ZBTB7C: variants seen among roughly 807,000 people sequenced by gnomAD.
ZBTB7C encodes zinc finger and BTB domain-containing protein 7C.
Under a neutral mutation model 25.7 loss-of-function variants are expected in ZBTB7C, and 8 were observed. The observed-to-expected ratio is 0.31, with a 90% CI of 0.18 to 0.56. The LOEUF is 0.56. ZBTB7C is among the 20% of genes least tolerant of loss of function. The pLI is 0.91. For missense variants in ZBTB7C, 824 were observed against 855.2 expected (o/e 0.96, Z 0.46); for synonymous variants, 394 against 369.0 (o/e 1.07, Z -0.78).
At chr18:48,308,996 T>G (rs747290368) in intron 2 of ZBTB7C, among the ~76,000 whole-genome samples, 4 of 152,128 alleles carry the variant, frequency 2.6e-5, no homozygotes, top group Non-Finnish European at 5.9e-5. Context: ...GAAGGTGAGG[T>G]CTACCTGAAG....
intron 2 of ZBTB7C, among the ~76,000 whole-genome samples, chr18:48,224,749 T>C (rs879373883): frequency 6.6e-6 from 1 of 152,160 alleles, no homozygotes; most frequent in South Asian, 2.1e-4. Flanking sequence ...ATCACAGTTA[T>C]CTTTCAGAGT....
chr18:48,410,225 T>A (rs917504849), upstream of ZBTB7C, among the ~76,000 whole-genome samples: 3 of 151,824 alleles, frequency 2.0e-5, no homozygotes, highest in East Asian at 5.9e-4. Context: ...ACCGCAAGCT[T>A]GCCGCACCCC....
chr18:48,180,581 G>A, intron 3 of ZBTB7C: 1 of 333,986 alleles, frequency 3.0e-6, no homozygotes, highest in Non-Finnish European at 5.9e-6. Context: ...GGGCCCAGGA[G>A]GGCTCTGTAG....
At chr18:48,165,929 TTTAAAA>T (rs1224029497) in intron 3 of ZBTB7C, among the ~76,000 whole-genome samples, 64 of 152,222 alleles carry the variant, frequency 4.2e-4, no homozygotes. Context: ...TTTCCCTCTT[TTTAAAA>T]TGACCAGATA....
chr18:48,046,078 C>T (rs774760417), intron 3 of ZBTB7C, among the ~76,000 whole-genome samples: 16 of 152,242 alleles, frequency 1.1e-4, no homozygotes, highest in Non-Finnish European at 2.1e-4. Context: ...GACACTGAAC[C>T]AGGACTGCTC....
chr18:48,103,582 G>A (rs2038926321), intron 3 of ZBTB7C, among the ~76,000 whole-genome samples: 1 of 152,190 alleles, frequency 6.6e-6, no homozygotes, highest in African/African-American at 2.4e-5. Context: ...CTCACTCCTA[G>A]GTGCACACCC....
chr18:48,077,349 G>A (rs1292490081), intron 3 of ZBTB7C, among the ~76,000 whole-genome samples: 2 of 152,176 alleles, frequency 1.3e-5, no homozygotes, highest in Non-Finnish European at 2.9e-5. Flanking sequence ...ATGAAGGTGA[G>A]ATGGGGGTGG....
At chr18:48,163,821 A>C (rs2041152557) in intron 3 of ZBTB7C, among the ~76,000 whole-genome samples, 1 of 152,238 alleles carries the variant, frequency 6.6e-6, no homozygotes, top group Non-Finnish European at 1.5e-5. Flanking sequence ...GAAATGCCTT[A>C]GCTTCACTAC....
intron 3 of ZBTB7C, among the ~76,000 whole-genome samples, chr18:48,118,062 G>A (rs2039505582): frequency 6.8e-6 from 1 of 147,470 alleles, no homozygotes; most frequent in Non-Finnish European, 1.5e-5. Flanking sequence ...CTGGAGTGCA[G>A]TGGCGTAATC....
chr18:48,105,653 G>C (rs548752081), intron 3 of ZBTB7C, among the ~76,000 whole-genome samples: 3 of 152,222 alleles, frequency 2.0e-5, no homozygotes, highest in Admixed American at 2.0e-4. Flanking sequence ...GTGGTGTGCT[G>C]GTGAAAACCT....
intron 3 of ZBTB7C, among the ~76,000 whole-genome samples, chr18:48,175,310 A>C (rs72922152): frequency 0.12 from 18,770 of 152,108 alleles, 1,528 homozygotes; most frequent in East Asian, 0.35. Context: ...AACAATTCTG[A>C]GAGTATTTTT....
intron 2 of ZBTB7C, among the ~76,000 whole-genome samples, chr18:48,223,332 T>C (rs1439150362): frequency 6.6e-6 from 1 of 152,174 alleles, no homozygotes; most frequent in Non-Finnish European, 1.5e-5. Context: ...CCCCTTATTC[T>C]AATTGTCATA....
chr18:48,351,139 T>A (rs1480597824), intron 1 of ZBTB7C, among the ~76,000 whole-genome samples: 1 of 152,076 alleles, frequency 6.6e-6, no homozygotes. Flanking sequence ...TGAACTAATG[T>A]ACACACACAC....
chr18:48,152,340 C>A (rs1482611987), intron 3 of ZBTB7C, among the ~76,000 whole-genome samples: 3 of 151,852 alleles, frequency 2.0e-5, no homozygotes. Flanking sequence ...AAAAAAAAAT[C>A]CAGGTGAAAG....
At chr18:48,143,200 G>T (rs2040401106) in intron 3 of ZBTB7C, among the ~76,000 whole-genome samples, 1 of 152,142 alleles carries the variant, frequency 6.6e-6, no homozygotes, top group African/African-American at 2.4e-5. Context: ...GGGGTTGAGG[G>T]TGGGGAGGTG....
intron 3 of ZBTB7C, among the ~76,000 whole-genome samples, chr18:48,082,828 C>T (rs2038043418): frequency 6.6e-6 from 1 of 152,158 alleles, no homozygotes; most frequent in African/African-American, 2.4e-5. Context: ...TGGAGAGCCA[C>T]ATGTACACTT....
chr18:48,314,112 C>G (rs2144811301), intron 2 of ZBTB7C, among the ~76,000 whole-genome samples: 1 of 152,322 alleles, frequency 6.6e-6, no homozygotes, highest in South Asian at 2.1e-4. Context: ...TACCCTGTCT[C>G]AGGTATTCCT....
chr18:48,295,499 C>T (rs545965709), intron 2 of ZBTB7C, among the ~76,000 whole-genome samples: 11 of 152,258 alleles, frequency 7.2e-5, no homozygotes, highest in East Asian at 1.9e-4. Flanking sequence ...CTCCCTTCCC[C>T]GGCAGACCCA....
At chr18:48,129,355 A>C (rs1395397687) in intron 3 of ZBTB7C, among the ~76,000 whole-genome samples, 1 of 151,622 alleles carries the variant, frequency 6.6e-6, no homozygotes, top group African/African-American at 2.4e-5. Flanking sequence ...AAAGTCCAAA[A>C]AAAAAAAAAA....
Sources: allele counts gnomAD v4.1 joint callset (sites outside exome capture counted in the v4.1 genomes callset), GRCh38; gene constraint gnomAD v4.1.1; transcripts MANE v1.5; gene names NCBI Gene and HGNC (gene_info 2026-07-23, HGNC 2026-07-21).